ATP8B1: variants seen among roughly 807,000 people sequenced by gnomAD.
ATP8B1 encodes ATPase phospholipid transporting 8B1, also known as phospholipid-transporting ATPase IC.
Under a neutral mutation model 149.9 loss-of-function variants are expected in ATP8B1, and 80 were observed. The ratio of observed to expected loss-of-function variants is 0.53; its 90% confidence interval spans 0.45 to 0.64. The LOEUF (loss-of-function observed/expected upper bound fraction) is 0.64, where lower values mean the gene tolerates loss of function less well. Ranked by LOEUF, ATP8B1 falls within the 30% of genes least tolerant of loss-of-function variation. The pLI, the probability that ATP8B1 is intolerant of heterozygous loss-of-function variation, is 0.00. For synonymous variants in ATP8B1, 536 were observed against 562.8 expected (o/e 0.95, Z 0.67); for missense variants, 1,247 against 1,552.6 (o/e 0.80, Z 3.31).
chr18:57,686,331 C>T (rs1293055530), intron 13 of ATP8B1, among the ~76,000 whole-genome samples: 3 of 151,966 alleles, frequency 2.0e-5, no homozygotes, highest in African/African-American at 7.2e-5. Flanking sequence ...ACCATATTAA[C>T]CGATTTTTTG....
At chr18:57,703,566 A>G in intron 4 of ATP8B1, among the ~76,000 whole-genome samples, 1 of 128,744 alleles carries the variant, frequency 7.8e-6, no homozygotes, top group Admixed American at 8.9e-5. Flanking sequence ...ACAAGAGCGA[A>G]ACACGGTCTC....
chr18:57,770,214 G>A (rs895516564), intron 1 of ATP8B1, among the ~76,000 whole-genome samples: 11 of 152,016 alleles, frequency 7.2e-5, no homozygotes, highest in African/African-American at 2.4e-4. Context: ...GACTACAGGT[G>A]CATGCCACCA....
chr18:57,776,778 G>T (rs1219067902), intron 1 of ATP8B1, among the ~76,000 whole-genome samples: 1 of 151,820 alleles, frequency 6.6e-6, no homozygotes, highest in Non-Finnish European at 1.5e-5. Flanking sequence ...TAGGAGAAAA[G>T]GCTGGAACAA....
At chr18:57,734,119 T>C (rs1482270787) in intron 1 of ATP8B1, 1 of 152,230 alleles carries the variant, frequency 6.6e-6, no homozygotes, top group Non-Finnish European at 1.5e-5. Context: ...GCCATATGTA[T>C]AGAATACACC....
chr18:57,653,282 C>CTTTTTTTTTT (rs199543849), intron 24 of ATP8B1, among the ~76,000 whole-genome samples: 105 of 114,370 alleles, frequency 9.2e-4, no homozygotes, highest in Non-Finnish European at 1.1e-3. Context: ...CTTTTCTTTT[C>CTTTTTTTTTT]TTTTTTTTTT....
At chr18:57,756,305 A>ATATATG (rs1555653784) in intron 1 of ATP8B1, among the ~76,000 whole-genome samples, 20,222 of 105,930 alleles carry the variant, frequency 0.19, 3,621 homozygotes, top group South Asian at 0.37. Flanking sequence ...GTGTATGTAT[A>ATATATG]TATATATATA....
intron 7 of ATP8B1, 22 bp from the exon 8 acceptor site, chr18:57,697,710 A>G: frequency 1.2e-6 from 2 of 1,613,568 alleles, no homozygotes; most frequent in Non-Finnish European, 1.7e-6. Flanking sequence ...AAAACACACA[A>G]ATAACACCGA....
Position 57,655,311 on chromosome 18 carries a change from C to T in ATP8B1, c.2814G>A (p.Val938=). Reference sequence around the variant, plus strand: ...TCCTTATGTAAGACCATCGGCCATGCACCAGCAGTAGCCTCTGCAGATATC... The same window carrying T: ...TCCTTATGTAAGACCATCGGCCATGTACCAGCAGTAGCCTCTGCAGATATC... ...QFRYLQRLLL[V]HGRWSYIRMC... The change falls in exon 23 of 28, where the codon GTG becomes GTA. Residue 938 remains valine (V), a synonymous_variant. Transcript: ENST00000648908. 1.2e-6 allele frequency: 2 copies of T among 1,614,142 alleles called. No individual in the cohort carries two copies. Among genetic ancestry groups the T allele is most frequent in the South Asian group, 1.1e-5 (1 of 91,080 alleles).
At chr18:57,712,399 A>G (rs1913732315) in intron 2 of ATP8B1, among the ~76,000 whole-genome samples, 1 of 152,176 alleles carries the variant, frequency 6.6e-6, no homozygotes, top group Admixed American at 6.5e-5. Context: ...TGTTACAGAC[A>G]GTAGAAAGCA....
At chr18:57,654,789 C>A (rs146894595) in intron 23 of ATP8B1, among the ~76,000 whole-genome samples, 1 of 146,534 alleles carries the variant, frequency 6.8e-6, no homozygotes, top group African/African-American at 2.5e-5. Context: ...CAGGTTCAAG[C>A]GATTCTCCTG....
At chr18:57,716,673 G>A (rs2079586344) in intron 2 of ATP8B1, among the ~76,000 whole-genome samples, 1 of 152,160 alleles carries the variant, frequency 6.6e-6, no homozygotes, top group Non-Finnish European at 1.5e-5. Context: ...GGAGCACCCA[G>A]ATATATAAAG....
intron 1 of ATP8B1, among the ~76,000 whole-genome samples, chr18:57,746,759 A>G (rs1026577704): frequency 6.6e-6 from 1 of 152,114 alleles, no homozygotes; most frequent in African/African-American, 2.4e-5. Flanking sequence ...TGTAGGTGTG[A>G]GCCACCACTG....
rs750646186 is a variant in ATP8B1, at chr18:57,655,383, T to A, written c.2742A>T (p.Glu914Asp). The change falls in exon 23 of 28, where the codon GAA (glutamate) becomes GAT (aspartate). Residue 914 changes from glutamate to aspartate, a missense_variant. Glu to Asp is a conservative substitution (Grantham distance 45, BLOSUM62 2). Coordinates refer to ENST00000648908, the MANE Select transcript of ATP8B1 (RefSeq NM_001374385.1). The part of the protein sequence containing the change: ...AHIGVGISGQ[E>D]GMQAVMSSDY... ...CACTCGACATGACAGCTTGCATTCC[T>A]TCTTGTCCACTTATTCCAACGCCAA... 1.2e-6 allele frequency: 2 copies of A among 1,614,238 alleles called. No homozygotes were observed. The highest frequency in any genetic ancestry group is 2.2e-5 in the South Asian group (2 of 91,088).
chr18:57,792,997 A>G (rs139597811), intron 1 of ATP8B1, among the ~76,000 whole-genome samples: 8 of 152,214 alleles, frequency 5.3e-5, no homozygotes, highest in African/African-American at 1.7e-4. Context: ...TTTTCTAACA[A>G]TGTTCTTTCC....
At position 57,731,308 on chromosome 18, in the gene ATP8B1, AATATATATATATATATAT is replaced by A. The variant is rs878964423; in HGVS notation, c.181+301_181+318del. 10 of 141,290 alleles carry A rather than the reference AATATATATATATATATAT, an allele frequency of 7.1e-5. 1 individual carries two copies. Among genetic ancestry groups the A allele is most frequent in the African/African-American group, 2.9e-4 (10 of 34,916 alleles). The allele number at this position is 141,290 out of a possible 1,614,324, so 8.8% of individuals were successfully genotyped here. ...GAGACACAGTGAGACCCTGCCTCAAAATATATATATATATATATATATATATATATATATATATATATA... is the reference window on the plus strand; with the variant it reads ...GAGACACAGTGAGACCCTGCCTCAAAATATATATATATATATATATATATA... On this transcript the variant is annotated intron_variant, in intron 2 of 27. Coordinates refer to ENST00000648908, the MANE Select transcript of ATP8B1 (RefSeq NM_001374385.1).
At chr18:57,765,495 G>A (rs56114012) in intron 1 of ATP8B1, among the ~76,000 whole-genome samples, 3,643 of 151,906 alleles carry the variant, frequency 0.024, 161 homozygotes, top group African/African-American at 0.082. Flanking sequence ...TGGTGAAACC[G>A]CGTCTCTACT....
intron 1 of ATP8B1, among the ~76,000 whole-genome samples, chr18:57,786,470 C>G (rs2080410954): frequency 6.6e-6 from 1 of 152,180 alleles, no homozygotes; most frequent in African/African-American, 2.4e-5. Flanking sequence ...GTCAGTGACT[C>G]TAGAGTGCAG....
At chr18:57,694,520 A>G in intron 11 of ATP8B1, 62 bp downstream of exon 11, 1 of 1,132,656 alleles carries the variant, frequency 8.8e-7, no homozygotes, top group Non-Finnish European at 1.3e-6. Context: ...AAAACATACG[A>G]TAATATTAGT....
At chr18:57,717,184 G>A (rs766881112) in intron 2 of ATP8B1, among the ~76,000 whole-genome samples, 4 of 151,938 alleles carry the variant, frequency 2.6e-5, no homozygotes, top group Admixed American at 1.3e-4. Context: ...GTACTAGGAG[G>A]GAAGTTTATA....
Sources: gnomAD v4.1 joint callset for allele counts (sites outside exome capture counted in the v4.1 genomes callset) on GRCh38, gnomAD v4.1.1 for gene constraint, MANE v1.5 for transcripts, NCBI Gene and HGNC (gene_info 2026-07-23, HGNC 2026-07-21) for gene names.